MEIS2: variants seen among roughly 807,000 people sequenced by gnomAD.
The protein encoded by MEIS2 is Meis homeobox 2.
A neutral mutation model predicts 58.6 loss-of-function variants in MEIS2; 9 were observed. That is an observed-to-expected ratio of 0.15 (90% CI 0.09 to 0.27). The LOEUF (loss-of-function observed/expected upper bound fraction) is 0.27, where lower values mean the gene tolerates loss of function less well. Ranked by LOEUF, MEIS2 falls within the 10% of genes least tolerant of loss-of-function variation. The pLI is 1.00. For synonymous variants in MEIS2, 221 were observed against 228.4 expected, an observed-to-expected ratio of 0.97 and a Z score of 0.29; for missense variants, 427 against 635.0, an observed-to-expected ratio of 0.67 and a Z score of 3.52.
intron 9 of MEIS2, among the ~76,000 whole-genome samples, chr15:36,904,719 G>A (rs2056644161): frequency 6.6e-6 from 1 of 151,632 alleles, no homozygotes; most frequent in Non-Finnish European, 1.5e-5. Context: ...TTGAGAGCTG[G>A]GTAAACGTCC....
chr15:37,027,860 C>G (rs2061759331), intron 8 of MEIS2, among the ~76,000 whole-genome samples: 1 of 151,992 alleles, frequency 6.6e-6, no homozygotes, highest in Non-Finnish European at 1.5e-5. Flanking sequence ...CCTGGCCCCA[C>G]ACATGTATAG....
chr15:37,043,038 C>T (rs146265445), intron 7 of MEIS2, among the ~76,000 whole-genome samples: 89 of 152,276 alleles, frequency 5.8e-4, no homozygotes, highest in African/African-American at 1.9e-3. Flanking sequence ...AATGCTTCTG[C>T]GACATTTGGC....
chr15:36,912,727 G>A (rs150187093), intron 9 of MEIS2, among the ~76,000 whole-genome samples: 1 of 150,080 alleles, frequency 6.7e-6, no homozygotes, highest in Non-Finnish European at 1.5e-5. Flanking sequence ...CTTTTAATCT[G>A]TCATATCTAA....
At position 37,100,520 on chromosome 15, in the gene MEIS2, C is replaced by T. The variant is rs1894975244; in HGVS notation, c.-1054G>A. 6.7e-6 allele frequency: 1 copy of T among 149,006 alleles called. No homozygotes were observed. Among genetic ancestry groups the T allele is most frequent in the South Asian group, 2.1e-4 (1 of 4,688 alleles). 9.2% of individuals were successfully genotyped at this position (149,006 alleles called of 1,614,324 possible). A position where few individuals can be genotyped will look rare whatever the true frequency, so the allele number is the denominator to read the frequency against. ...GGAGCGGGAGCGAGGAGGAGCGCGC[C>T]GCGCCGAGCCTCTGATATGCAACGA... On this transcript the variant is annotated 5_prime_UTR_variant, in exon 1 of 12. Transcript: ENST00000561208.
intron 9 of MEIS2, among the ~76,000 whole-genome samples, chr15:36,924,559 G>A (rs1297925419): frequency 2.0e-5 from 3 of 152,190 alleles, no homozygotes; most frequent in African/African-American, 4.8e-5. Context: ...TATAAAGGGC[G>A]CCAGTGAGGA....
At chr15:36,928,196 A>G (rs1343620132) in intron 9 of MEIS2, among the ~76,000 whole-genome samples, 1 of 152,226 alleles carries the variant, frequency 6.6e-6, no homozygotes, top group Non-Finnish European at 1.5e-5. Flanking sequence ...AAATTCCTGA[A>G]ATTCACTTTC....
chr15:36,950,951 T>A (rs564018216), intron 8 of MEIS2, among the ~76,000 whole-genome samples: 10 of 152,256 alleles, frequency 6.6e-5, no homozygotes, highest in Non-Finnish European at 1.5e-4. Context: ...TACAGTATAT[T>A]TATGTTGACT....
rs1226507814 is a variant in MEIS2, at chr15:37,099,457, T to C, written c.10A>G (p.Arg4Gly). The C allele has an allele frequency of 1.9e-6, 3 of 1,614,108 alleles. No homozygotes were observed. Among genetic ancestry groups the C allele is most frequent in the Non-Finnish European group, 1.7e-6 (2 of 1,180,012 alleles). The change falls in exon 1 of 12, where the codon AGG (arginine) becomes GGG (glycine). Residue 4 changes from arginine to glycine, a missense_variant and splice_region_variant. Transcript: ENST00000561208. ...AAGTGTTGGAGATTTAAACCTACCC[T>C]TTGCGCCATCAGTCTGCGCTCCAAT... MAQ[R>G]YDELPHYGGM...
At chr15:36,971,537 TAAAAAAAA>T (rs71126247) in intron 8 of MEIS2, among the ~76,000 whole-genome samples, 6 of 67,086 alleles carry the variant, frequency 8.9e-5, no homozygotes, top group African/African-American at 2.1e-4. Flanking sequence ...CTTGTTACAT[TAAAAAAAA>T]AAAAAAAAAA....
In MEIS2 at chr15:36,981,722, A is replaced by C. The variant is rs571161394; in HGVS notation, c.901-31322T>G. Among the ~76,000 whole-genome samples the C allele has an allele frequency of 8.5e-5, 13 of 152,230 alleles. 1 individual carries two copies. In the South Asian group the frequency reaches 2.7e-3, roughly 32 times the overall value. ...TACATTATTTCTGGGTATGGTTGTA[A>C]GGGTAGACATTAGCATTTGAATCAG... is the stretch of plus-strand genomic sequence containing the variant. On this transcript the variant is annotated intron_variant, in intron 8 of 11. Transcript: ENST00000561208.
rs570183214 is a variant in MEIS2 at position 37,088,225 on chromosome 15, T to C, written c.640-4340A>G. Among the ~76,000 whole-genome samples, 4 of 152,138 alleles carry C rather than the reference T, an allele frequency of 2.6e-5. No homozygotes were observed. In the East Asian group the frequency reaches 7.7e-4, roughly 29 times the overall value. Reference sequence around the variant, plus strand: ...CAACTATATAACATCAAGAGAAAAATTACATGTAAACTTGGAAAATAGAAT... The same window carrying C: ...CAACTATATAACATCAAGAGAAAAACTACATGTAAACTTGGAAAATAGAAT... On this transcript the variant is annotated intron_variant, in intron 6 of 11. Transcript: ENST00000561208.
chr15:37,039,940 C>A (rs2062345464), intron 7 of MEIS2, among the ~76,000 whole-genome samples: 1 of 152,132 alleles, frequency 6.6e-6, no homozygotes, highest in Non-Finnish European at 1.5e-5. Flanking sequence ...GCACAGAGAA[C>A]TAACAACAGC....
chr15:36,907,807 G>A (rs1052233966), intron 9 of MEIS2, among the ~76,000 whole-genome samples: 1 of 151,876 alleles, frequency 6.6e-6, no homozygotes, highest in South Asian at 2.1e-4. Flanking sequence ...AGAAAGTCAA[G>A]TAATATTAAG....
At chr15:37,001,015 T>C (rs78728301) in intron 8 of MEIS2, among the ~76,000 whole-genome samples, 7 of 152,186 alleles carry the variant, frequency 4.6e-5, no homozygotes, top group Admixed American at 4.6e-4. Context: ...ACCAAATTCA[T>C]TGGTATTTTC....
rs762570998 is a variant in MEIS2 at position 37,057,653 on chromosome 15, T to A, written c.755-20694A>T. Reference sequence around the variant, plus strand: ...CAGACATATTGTGGAACTGAAAAAATAAATAAATAAATAAATAAAGTAACC... The same window carrying A: ...CAGACATATTGTGGAACTGAAAAAAAAAATAAATAAATAAATAAAGTAACC... On this transcript the variant is annotated intron_variant, in intron 7 of 11. Transcript: ENST00000561208. Among the ~76,000 whole-genome samples, 6 of 151,812 alleles carry A rather than the reference T, an allele frequency of 4.0e-5. 1 individual carries two copies. Among genetic ancestry groups the A allele is most frequent in the Middle Eastern group, 6.3e-3 (2 of 316 alleles).
At chr15:36,995,990 T>TAC (rs1567159964) in intron 8 of MEIS2, among the ~76,000 whole-genome samples, 11 of 51,888 alleles carry the variant, frequency 2.1e-4, no homozygotes, top group East Asian at 1.1e-3. Flanking sequence ...TATATATATA[T>TAC]ATATATATAT....
At chr15:36,995,131 T>G (rs1442611983) in intron 8 of MEIS2, among the ~76,000 whole-genome samples, 1 of 152,232 alleles carries the variant, frequency 6.6e-6, no homozygotes, top group East Asian at 1.9e-4. Context: ...ATTTCATTGC[T>G]TCCCAACGAT....
Position 37,097,976 on chromosome 15 carries a change from G to T in MEIS2, c.236C>A (p.Ala79Glu). ...VNDALKRDKDAIYGHPLFPLL... is the reference protein window; with the variant it reads ...VNDALKRDKDEIYGHPLFPLL... Reference sequence around the variant, plus strand: ...CGGGGGGTCAGTTTACCCATAGATCGCGTCCTTGTCCCGCTTCAAGGCGTC... The same window carrying T: ...CGGGGGGTCAGTTTACCCATAGATCTCGTCCTTGTCCCGCTTCAAGGCGTC... The change falls in exon 2 of 12, where the codon GCG (alanine) becomes GAG (glutamate). Residue 79 changes from alanine to glutamate, a missense_variant. Transcript: ENST00000561208. 1.3e-6 allele frequency: 2 copies of T among 1,598,518 alleles called. No individual in the cohort carries two copies. The highest frequency in any genetic ancestry group is 1.7e-6 in the Non-Finnish European group (2 of 1,170,302).
At chr15:37,086,236 T>C (rs1410463827) in intron 6 of MEIS2, among the ~76,000 whole-genome samples, 2 of 152,220 alleles carry the variant, frequency 1.3e-5, no homozygotes, top group Non-Finnish European at 2.9e-5. Context: ...ATCGTTTATA[T>C]GAAGCCGGAG....
Sources: allele counts gnomAD v4.1 joint callset (sites outside exome capture counted in the v4.1 genomes callset), GRCh38; gene constraint gnomAD v4.1.1; transcripts MANE v1.5; gene names NCBI Gene and HGNC (gene_info 2026-07-23, HGNC 2026-07-21).